TBC1D8B: variants seen among roughly 807,000 people sequenced by gnomAD.
TBC1D8B encodes TBC1 domain family member 8B.
TBC1D8B carries 75 observed loss-of-function variants against 82.9 expected under a neutral mutation model. That is an observed-to-expected ratio of 0.90 (90% confidence interval 0.75 to 1.10). TBC1D8B has a LOEUF of 1.10. Ranked by LOEUF, TBC1D8B falls within the 50% of genes least tolerant of loss-of-function variation. TBC1D8B has a pLI of 0.00. For synonymous variants in TBC1D8B, 276 were observed against 276.8 expected, an observed-to-expected ratio of 1.00 and a Z score of 0.03; for missense variants, 794 against 796.9, an observed-to-expected ratio of 1.00 and a Z score of 0.04.
intron 10 of TBC1D8B, among the ~76,000 whole-genome samples, chrX:106,842,683 G>A (rs757150185): frequency 5.5e-5 from 6 of 108,987 alleles, no homozygotes; most frequent in Non-Finnish European, 1.1e-4. Flanking sequence ...TCTATCATCT[G>A]TCTCCATCTA....
chrX:106,805,109 C>G (rs1245266054), intron 1 of TBC1D8B, among the ~76,000 whole-genome samples: 1 of 66,938 alleles, frequency 1.5e-5, no homozygotes, highest in Admixed American at 2.6e-4. Context: ...GAGACAGGAT[C>G]TCTCACTCTG....
chrX:106,805,862 A>G (rs1017875974), intron 1 of TBC1D8B, among the ~76,000 whole-genome samples: 1 of 112,692 alleles, frequency 8.9e-6, no homozygotes, highest in Non-Finnish European at 1.9e-5. Flanking sequence ...GTGTGCCAGC[A>G]TAAGTTTGCC....
chrX:106,829,091 A>G (rs1931948138), intron 7 of TBC1D8B: 3 of 106,671 alleles, frequency 2.8e-5, no homozygotes, highest in African/African-American at 1.1e-4. Context: ...CAACTTCAGC[A>G]AAGTCTCAGG....
At chrX:106,812,258 T>C (rs189680136) in intron 1 of TBC1D8B, among the ~76,000 whole-genome samples, 272 of 111,572 alleles carry the variant, frequency 2.4e-3, no homozygotes, top group Non-Finnish European at 4.6e-3. Context: ...TACCTTCTCT[T>C]ATTTGAATAT....
chrX:106,840,943 C>A, intron 10 of TBC1D8B, 59 bp downstream of exon 10: 1 of 1,041,607 alleles, frequency 9.6e-7, no homozygotes, highest in Non-Finnish European at 1.3e-6. Flanking sequence ...ACATCAAATC[C>A]AATTCCACTA....
At chrX:106,855,938 C>A (rs996929930) in intron 14 of TBC1D8B, among the ~76,000 whole-genome samples, 2 of 111,476 alleles carry the variant, frequency 1.8e-5, no homozygotes, top group African/African-American at 6.5e-5. Context: ...CAGGAAGCTG[C>A]GACGGGAGGA....
chrX:106,811,528 C>T (rs1359292151), intron 1 of TBC1D8B, among the ~76,000 whole-genome samples: 2 of 110,817 alleles, frequency 1.8e-5, no homozygotes, highest in African/African-American at 6.6e-5. Flanking sequence ...GACCTTGTCT[C>T]AAAATAAATA....
At chrX:106,854,716 A>G (rs1239636659) in intron 14 of TBC1D8B, among the ~76,000 whole-genome samples, 1 of 110,072 alleles carries the variant, frequency 9.1e-6, no homozygotes, top group African/African-American at 3.3e-5. Context: ...GGGTCTCAGT[A>G]TGTTTCCCAG....
chrX:106,830,239 A>T (rs761303366), intron 7 of TBC1D8B, among the ~76,000 whole-genome samples: 5 of 112,086 alleles, frequency 4.5e-5, no homozygotes, highest in Non-Finnish European at 9.4e-5. Context: ...TCAAAACCAC[A>T]ATGAGATACC....
At chrX:106,864,538 TGA>T (rs1932800827) in intron 14 of TBC1D8B, among the ~76,000 whole-genome samples, 1 of 98,548 alleles carries the variant, frequency 1.0e-5, no homozygotes, top group Non-Finnish European at 2.1e-5. Context: ...TTTTTTTTTT[TGA>T]GACAGTCTCA....
At position 106,873,754 on chromosome X, in the gene TBC1D8B, G is replaced by A; in HGVS notation, c.3152G>A (p.Gly1051Glu). 8.3e-7 allele frequency: 1 copy of A among 1,211,648 alleles called. No individual in the cohort carries two copies. The highest frequency in any genetic ancestry group is 1.8e-5 in the South Asian group (1 of 56,912). ...KGFSGTVCGS[G>E]GPSEEKTGSH... is the part of the protein sequence containing the mutation. Reference sequence around the variant, plus strand: ...TTCTCTGGTACTGTCTGTGGTTCTGGAGGACCCAGTGAGGAAAAAACAGGG... The same window carrying A: ...TTCTCTGGTACTGTCTGTGGTTCTGAAGGACCCAGTGAGGAAAAAACAGGG... Residue 1051 changes from glycine to glutamate, a missense_variant, in exon 21 of 21, where the codon GGA becomes GAA. Physicochemically the swap from Gly to Glu is moderately conservative, Grantham distance 98. Coordinates refer to ENST00000357242, the MANE Select transcript of TBC1D8B (RefSeq NM_017752.3).
intron 5 of TBC1D8B, among the ~76,000 whole-genome samples, chrX:106,825,554 T>A (rs1017300372): frequency 9.0e-6 from 1 of 111,624 alleles, no homozygotes; most frequent in Non-Finnish European, 1.9e-5. Flanking sequence ...CTTCACTTAA[T>A]TTTTAATATC....
intron 10 of TBC1D8B, among the ~76,000 whole-genome samples, chrX:106,841,974 C>T (rs962510887): frequency 1.7e-4 from 19 of 111,411 alleles, no homozygotes; most frequent in African/African-American, 5.2e-4. Flanking sequence ...TGGAGTATAG[C>T]GTGGCTGAGC....
intron 12 of TBC1D8B, among the ~76,000 whole-genome samples, chrX:106,852,904 C>A (rs1278996630): frequency 1.8e-5 from 2 of 110,925 alleles, no homozygotes; most frequent in Non-Finnish European, 3.8e-5. Flanking sequence ...CTTGGCGATG[C>A]GGGCTCTTTT....
intron 12 of TBC1D8B, among the ~76,000 whole-genome samples, chrX:106,852,135 T>C (rs774126040): frequency 0.016 from 1,689 of 106,605 alleles, 20 homozygotes; most frequent in Non-Finnish European, 0.024. Flanking sequence ...TATCTCATTG[T>C]GGTTTTGATT....
At chrX:106,857,312 C>T (rs554964090) in intron 14 of TBC1D8B, among the ~76,000 whole-genome samples, 1 of 110,382 alleles carries the variant, frequency 9.1e-6, no homozygotes, top group South Asian at 3.9e-4. Flanking sequence ...GTCACCATGC[C>T]CAGCTAATTT....
chrX:106,818,032 A>G (rs1931591184), intron 1 of TBC1D8B, among the ~76,000 whole-genome samples: 1 of 111,221 alleles, frequency 9.0e-6, no homozygotes, highest in South Asian at 3.7e-4. Flanking sequence ...TAATTGAGGA[A>G]TTAAGAATTG....
At chrX:106,858,892 G>A (rs963169379) in intron 14 of TBC1D8B, among the ~76,000 whole-genome samples, 1 of 111,642 alleles carries the variant, frequency 9.0e-6, no homozygotes, top group Non-Finnish European at 1.9e-5. Flanking sequence ...TGTATATGGT[G>A]GAAGGTAGGG....
At chrX:106,816,476 C>T (rs1931543717) in intron 1 of TBC1D8B, among the ~76,000 whole-genome samples, 1 of 110,867 alleles carries the variant, frequency 9.0e-6, no homozygotes, top group African/African-American at 3.3e-5. Context: ...CCTTTTATCC[C>T]CAAACCCATC....
Sources: allele counts gnomAD v4.1 joint callset (sites outside exome capture counted in the v4.1 genomes callset), GRCh38; gene constraint gnomAD v4.1.1; transcripts MANE v1.5; gene names NCBI Gene and HGNC (gene_info 2026-07-23, HGNC 2026-07-21).